CNBD1: variants seen among roughly 807,000 people sequenced by gnomAD.
The protein encoded by CNBD1 is cyclic nucleotide binding domain containing 1.
In CNBD1, 71 loss-of-function variants were observed where a neutral mutation model predicts 54.4. That is an observed-to-expected ratio of 1.30 (90% confidence interval 1.08 to 1.59). The LOEUF is 1.59. Among genes scored for constraint, CNBD1 ranks in the 40% most tolerant of loss-of-function variants. The probability of loss-of-function intolerance (pLI) is 0.00; values close to 1 mark genes in which losing one functional copy is unlikely to be tolerated. For synonymous variants in CNBD1, 182 were observed against 170.7 expected (o/e 1.07, Z -0.51); for missense variants, 659 against 518.0 (o/e 1.27, Z -2.64).
intron 2 of CNBD1, among the ~76,000 whole-genome samples, chr8:87,388,167 G>A (rs1251068144): frequency 6.6e-6 from 1 of 152,060 alleles, no homozygotes; most frequent in Non-Finnish European, 1.5e-5. Flanking sequence ...ATCTAAAATT[G>A]ACACCCTAAC....
At chr8:86,994,361 G>A (rs577392112) in intron 4 of CNBD1, among the ~76,000 whole-genome samples, 27 of 152,212 alleles carry the variant, frequency 1.8e-4, no homozygotes, top group Non-Finnish European at 3.4e-4. Context: ...GGGCAGGAGG[G>A]CCTATAGAAC....
chr8:87,329,871 C>A (rs538795917), intron 8 of CNBD1, among the ~76,000 whole-genome samples: 1 of 151,984 alleles, frequency 6.6e-6, no homozygotes, highest in African/African-American at 2.4e-5. Flanking sequence ...CTTCCAAATC[C>A]ATATATATTT....
chr8:86,879,148 T>C (rs908588092), intron 1 of CNBD1, among the ~76,000 whole-genome samples: 1 of 152,172 alleles, frequency 6.6e-6, no homozygotes, highest in African/African-American at 2.4e-5. Flanking sequence ...TTTCATTGCA[T>C]ACAACTGATT....
At chr8:87,399,856 C>A (rs918038453) in intron 2 of CNBD1, among the ~76,000 whole-genome samples, 1 of 151,914 alleles carries the variant, frequency 6.6e-6, no homozygotes, top group Admixed American at 6.6e-5. Context: ...CTAGAGTAAC[C>A]CAGAACCATC....
chr8:87,381,645 A>G (rs1035329092), intron 10 of CNBD1, among the ~76,000 whole-genome samples: 3 of 152,044 alleles, frequency 2.0e-5, no homozygotes, highest in Non-Finnish European at 2.9e-5. Context: ...TGAATTAAAA[A>G]TATGTACATA....
intron 4 of CNBD1, among the ~76,000 whole-genome samples, chr8:87,089,675 G>A (rs1811167340): frequency 6.6e-6 from 1 of 152,120 alleles, no homozygotes; most frequent in Non-Finnish European, 1.5e-5. Context: ...TCATAGGGGT[G>A]AGACTATATT....
At chr8:87,384,574 T>G (rs1811147174), downstream of CNBD1, among the ~76,000 whole-genome samples, 1 of 152,142 alleles carries the variant, frequency 6.6e-6, no homozygotes, top group East Asian at 1.9e-4. Flanking sequence ...TTAAACTGCA[T>G]AAAGTCTTAG....
intron 6 of CNBD1, among the ~76,000 whole-genome samples, chr8:87,246,140 C>A (rs925120097): frequency 6.6e-6 from 1 of 151,790 alleles, no homozygotes; most frequent in African/African-American, 2.4e-5. Context: ...TTAAATTTTT[C>A]TGACAAACAC....
chr8:87,401,976 T>C (rs1669995719), intron 2 of CNBD1, among the ~76,000 whole-genome samples: 17 of 152,004 alleles, frequency 1.1e-4, no homozygotes, highest in Admixed American at 1.1e-3. Context: ...TAGTTCATTT[T>C]CATACTGTTA....
chr8:87,081,563 T>A (rs550379324), intron 4 of CNBD1, among the ~76,000 whole-genome samples: 4 of 151,304 alleles, frequency 2.6e-5, no homozygotes, highest in African/African-American at 9.7e-5. Context: ...TGGAGTGCAG[T>A]GGCGCGACCT....
At chr8:87,226,979 C>A (rs1323670383) in intron 5 of CNBD1, among the ~76,000 whole-genome samples, 3 of 151,588 alleles carry the variant, frequency 2.0e-5, no homozygotes, top group South Asian at 4.2e-4. Context: ...GAATTGATCC[C>A]TTTACCATTA....
At chr8:87,363,196 A>G (rs1306932932) in intron 10 of CNBD1, among the ~76,000 whole-genome samples, 4 of 152,066 alleles carry the variant, frequency 2.6e-5, no homozygotes, top group African/African-American at 4.8e-5. Context: ...TCCTTTTTTT[A>G]TGGCCACATA....
At chr8:87,241,116 A>G (rs750217946) in intron 6 of CNBD1, among the ~76,000 whole-genome samples, 3 of 152,042 alleles carry the variant, frequency 2.0e-5, no homozygotes, top group Admixed American at 1.3e-4. Context: ...GTATCTTTCA[A>G]TCTTTGCTGC....
chr8:87,225,243 C>T (rs1309921921), intron 5 of CNBD1, among the ~76,000 whole-genome samples: 1 of 145,316 alleles, frequency 6.9e-6, no homozygotes, highest in African/African-American at 2.6e-5. Context: ...ATTTCCTTCT[C>T]CTGCCTAATT....
intron 2 of CNBD1, among the ~76,000 whole-genome samples, chr8:87,392,189 T>A (rs1321719457): frequency 6.6e-6 from 1 of 152,048 alleles, no homozygotes; most frequent in Non-Finnish European, 1.5e-5. Context: ...ATTCGTGCTC[T>A]CATACATAGC....
chr8:87,330,676 AT>A (rs1167749723), intron 8 of CNBD1, among the ~76,000 whole-genome samples: 1 of 152,006 alleles, frequency 6.6e-6, no homozygotes, highest in Non-Finnish European at 1.5e-5. Context: ...TTTCTTTCAC[AT>A]TTTTAAGGTT....
At chr8:87,200,399 G>A (rs1011527052) in intron 4 of CNBD1, among the ~76,000 whole-genome samples, 4 of 151,944 alleles carry the variant, frequency 2.6e-5, no homozygotes, top group East Asian at 1.9e-4. Flanking sequence ...AAAATGGAAC[G>A]AATTTTCATA....
intron 3 of CNBD1, among the ~76,000 whole-genome samples, chr8:86,923,124 C>A (rs972136467): frequency 6.6e-6 from 1 of 152,138 alleles, no homozygotes; most frequent in Non-Finnish European, 1.5e-5. Flanking sequence ...ACAGCGAAGG[C>A]AGTGATTTAA....
intron 8 of CNBD1, among the ~76,000 whole-genome samples, chr8:87,317,729 G>T (rs1809419884): frequency 6.6e-6 from 1 of 151,850 alleles, no homozygotes; most frequent in South Asian, 2.1e-4. Context: ...TATATTGGAT[G>T]AGGTATTAGT....
Sources: allele counts gnomAD v4.1 joint callset (sites outside exome capture counted in the v4.1 genomes callset), GRCh38; gene constraint gnomAD v4.1.1; transcripts MANE v1.5; gene names NCBI Gene and HGNC (gene_info 2026-07-23, HGNC 2026-07-21).